Variants in GHR observed in about 807,000 individuals in gnomAD.
GHR encodes GH receptor.
GHR carries 35 observed loss-of-function variants against 67.1 expected under a neutral mutation model. The observed-to-expected ratio is 0.52, with a 90% confidence interval of 0.40 to 0.69. GHR has a LOEUF of 0.69. Among genes scored for constraint, GHR ranks in the 30% least tolerant of loss-of-function variants. The pLI, the probability that GHR is intolerant of heterozygous loss-of-function variation, is 0.00. For synonymous variants in GHR, 272 were observed against 269.1 expected, an observed-to-expected ratio of 1.01 and a Z score of -0.10; for missense variants, 792 against 764.6, an observed-to-expected ratio of 1.04 and a Z score of -0.42.
At chr5:42,583,077 C>T (rs1253312639) in intron 2 of GHR, among the ~76,000 whole-genome samples, 1 of 152,200 alleles carries the variant, frequency 6.6e-6, no homozygotes, top group Admixed American at 6.5e-5. Context: ...GGCAAATGTG[C>T]CACCAGCCAC....
chr5:42,456,182 A>G (rs889283627), intron 1 of GHR, among the ~76,000 whole-genome samples: 2 of 152,140 alleles, frequency 1.3e-5, no homozygotes, highest in Non-Finnish European at 2.9e-5. Context: ...GTGGTGGTAC[A>G]CACCTGTAGT....
intron 2 of GHR, among the ~76,000 whole-genome samples, chr5:42,608,424 A>T (rs1389107697): frequency 6.6e-6 from 1 of 151,690 alleles, no homozygotes; most frequent in Non-Finnish European, 1.5e-5. Flanking sequence ...GTAACCCCTA[A>T]CTACTTTTTT....
chr5:42,505,376 T>A (rs1746726803), intron 1 of GHR, among the ~76,000 whole-genome samples: 3 of 151,968 alleles, frequency 2.0e-5, no homozygotes, highest in African/African-American at 4.8e-5. Flanking sequence ...GTAATTTTTT[T>A]TAAAAAAGTT....
intron 1 of GHR, among the ~76,000 whole-genome samples, chr5:42,504,653 G>A (rs1182335783): frequency 6.6e-6 from 1 of 152,106 alleles, no homozygotes; most frequent in African/African-American, 2.4e-5. Flanking sequence ...CAGCTACTCG[G>A]GAGGCTGAGG....
At position 42,535,371 on chromosome 5, in the gene GHR, T is replaced by C. The variant is rs147836588; in HGVS notation, c.-11-30493T>C. ...ATGAGGATCCAGTTTTATTCTCGTA[T>C]ATGTGACTAGCCAATTATCCAAGCA... is the stretch of plus-strand genomic sequence containing the variant. On this transcript the variant is annotated intron_variant, in intron 1 of 9. Transcript: ENST00000230882. 8.9e-4 allele frequency among the ~76,000 whole-genome samples: 135 copies of C among 152,230 alleles called. 1 individual carries two copies. In the East Asian group the frequency reaches 0.025, roughly 28 times the overall value.
intron 1 of GHR, among the ~76,000 whole-genome samples, chr5:42,457,759 A>G: frequency 6.6e-6 from 1 of 152,204 alleles, no homozygotes; most frequent in East Asian, 1.9e-4. Context: ...TTGTTTATAC[A>G]TGGTGGATTA....
At chr5:42,511,043 A>G (rs1746994371) in intron 1 of GHR, among the ~76,000 whole-genome samples, 1 of 152,222 alleles carries the variant, frequency 6.6e-6, no homozygotes, top group East Asian at 1.9e-4. Context: ...ATTTACCAGT[A>G]GCATATGAGC....
chr5:42,543,128 T>C (rs1046254578), intron 1 of GHR, among the ~76,000 whole-genome samples: 1 of 152,158 alleles, frequency 6.6e-6, no homozygotes, highest in Non-Finnish European at 1.5e-5. Context: ...TATAATGACT[T>C]ATTTTCCTTT....
In GHR at chr5:42,424,978, G is replaced by A; in HGVS notation, c.-12+1023G>A. The A allele has an allele frequency of 1.0e-6, 1 of 985,002 alleles. No individual in the cohort carries two copies. The highest frequency in any genetic ancestry group is 1.2e-6 in the Non-Finnish European group (1 of 829,510). 61.0% of individuals were successfully genotyped at this position (985,002 alleles called of 1,614,324 possible). On this transcript the variant is annotated intron_variant, in intron 1 of 9. Coordinates refer to ENST00000230882, the MANE Select transcript of GHR (RefSeq NM_000163.5). This position sits in a 1 kb window ranked among gnomAD's most constrained non-coding sequence, Gnocchi z 4.1. ...CAGTAGGGTGTGCAGGGTGGAAGAG[G>A]CCACAGAGGTGCCGCCTGTCTGTTT...
chr5:42,621,131 C>T (rs539884797), intron 2 of GHR, among the ~76,000 whole-genome samples: 6 of 152,006 alleles, frequency 3.9e-5, no homozygotes, highest in African/African-American at 7.2e-5. Context: ...TTCTCCATAA[C>T]GAAAAGCAGC....
At chr5:42,657,154 A>T (rs879469682) in intron 3 of GHR, among the ~76,000 whole-genome samples, 1 of 152,094 alleles carries the variant, frequency 6.6e-6, no homozygotes, top group Admixed American at 6.5e-5. Flanking sequence ...TCATTAAGAG[A>T]TCATCTCAGT....
chr5:42,567,206 C>A (rs183426502), intron 2 of GHR, among the ~76,000 whole-genome samples: 1 of 152,132 alleles, frequency 6.6e-6, no homozygotes, highest in Non-Finnish European at 1.5e-5. Context: ...ATTAAGGTGA[C>A]TTTCACTCCA....
intron 2 of GHR, among the ~76,000 whole-genome samples, chr5:42,589,931 G>A (rs1275658169): frequency 1.3e-5 from 2 of 152,186 alleles, no homozygotes; most frequent in African/African-American, 4.8e-5. Context: ...GGGCCATATG[G>A]AGGTGAAAAC....
chr5:42,542,146 G>C (rs998890014), intron 1 of GHR, among the ~76,000 whole-genome samples: 8 of 152,088 alleles, frequency 5.3e-5, no homozygotes, highest in Non-Finnish European at 8.8e-5. Flanking sequence ...AATGCTAAGT[G>C]GTTGGGAAAA....
chr5:42,644,973 A>G (rs1171356820), intron 3 of GHR, among the ~76,000 whole-genome samples: 1 of 152,192 alleles, frequency 6.6e-6, no homozygotes, highest in African/African-American at 2.4e-5. Context: ...ATTTCATTAT[A>G]TATGGAATCC....
At chr5:42,568,007 A>T (rs1750047980) in intron 2 of GHR, among the ~76,000 whole-genome samples, 1 of 152,158 alleles carries the variant, frequency 6.6e-6, no homozygotes, top group Admixed American at 6.5e-5. Flanking sequence ...AATATAGATT[A>T]AATTTTTAAA....
intron 8 of GHR, chr5:42,714,329 C>T: frequency 6.6e-6 from 1 of 152,270 alleles, no homozygotes; most frequent in Non-Finnish European, 1.5e-5. Context: ...GTCCGGTGTG[C>T]CAGGAAATCC....
At chr5:42,649,046 T>A (rs180849776) in intron 3 of GHR, among the ~76,000 whole-genome samples, 1 of 152,262 alleles carries the variant, frequency 6.6e-6, no homozygotes, top group Admixed American at 6.5e-5. Flanking sequence ...AAAATGGAAC[T>A]CAAATGAGGA....
chr5:42,537,528 T>C (rs561672460), intron 1 of GHR, among the ~76,000 whole-genome samples: 1 of 152,324 alleles, frequency 6.6e-6, no homozygotes, highest in Admixed American at 6.5e-5. Context: ...GAGTACTTGA[T>C]ATAATTTCAA....
Sources: gnomAD v4.1 joint callset for allele counts (sites outside exome capture counted in the v4.1 genomes callset) on GRCh38, gnomAD v4.1.1 for gene constraint, Gnocchi (gnomAD v3.1) non-coding constraint, MANE v1.5 for transcripts, NCBI Gene and HGNC (gene_info 2026-07-23, HGNC 2026-07-21) for gene names.